Variants in ZNF717 observed in about 807,000 individuals in gnomAD.
The protein encoded by ZNF717 is krueppel-like factor X17.
Under a neutral mutation model 13.8 loss-of-function variants are expected in ZNF717, and 9 were observed. That is an observed-to-expected ratio of 0.65 (90% confidence interval 0.39 to 1.14). The LOEUF is 1.14. Among genes scored for constraint, ZNF717 ranks in the 50% most tolerant of loss-of-function variants. ZNF717 has a pLI of 0.01. For synonymous variants in ZNF717, 327 were observed against 364.1 expected (o/e 0.90, Z 1.16); for missense variants, 1,040 against 1,080.7 (o/e 0.96, Z 0.53).
chr3:75,718,310 T>A (rs1938097941), intron 4 of ZNF717, among the ~76,000 whole-genome samples: 3 of 152,248 alleles, frequency 2.0e-5, no homozygotes, highest in South Asian at 4.2e-4. Flanking sequence ...GATGTGGGGC[T>A]GGAGGAAGAC....
At chr3:75,781,920 G>T (rs1276721021) in intron 2 of ZNF717, among the ~76,000 whole-genome samples, 9 of 152,106 alleles carry the variant, frequency 5.9e-5, no homozygotes, top group African/African-American at 1.7e-4. Context: ...TAACTTTTTT[G>T]TCTGTTTTTT....
At position 75,738,806 on chromosome 3, in the gene ZNF717, G is replaced by A. The variant is rs1320554778; in HGVS notation, c.817C>T (p.His273Tyr). 1.6e-5 allele frequency: 25 copies of A among 1,552,470 alleles called. No individual in the cohort carries two copies. Among genetic ancestry groups the A allele is most frequent in the African/African-American group, 2.7e-5 (2 of 73,120 alleles). ...TCCRKSDFTK[H>Y]QQTHTGEKPY... is the part of the protein sequence containing the mutation. ...TTCTCTCCTGTGTGTGTCTGCTGAT[G>A]TTTAGTGAAGTCAGACTTTCTACAG... The change falls in exon 5 of 5, where the codon CAT (histidine) becomes TAT (tyrosine). Residue 273 changes from histidine (H) to tyrosine (Y), a missense_variant. Around this residue, in one of 3 missense-constraint regions of ZNF717, gnomAD observed 873 missense variants for 832.8 expected, o/e 1.05. Coordinates refer to ENST00000652011, the MANE Select transcript of ZNF717 (RefSeq NM_001290208.3).
intron 2 of ZNF717, among the ~76,000 whole-genome samples, chr3:75,760,162 G>A (rs1372764900): frequency 3.9e-5 from 6 of 152,116 alleles, no homozygotes; most frequent in Non-Finnish European, 8.8e-5. Context: ...CACGGTAGCT[G>A]GGATTACAGG....
chr3:75,783,273 T>C (rs1944941714), intron 2 of ZNF717, 33 bp downstream of exon 2: 1 of 1,515,962 alleles, frequency 6.6e-7, no homozygotes, highest in Non-Finnish European at 9.0e-7. Flanking sequence ...AAATACAGTG[T>C]AAAACAAAGT....
At chr3:75,765,568 G>A (rs1342043862) in intron 2 of ZNF717, among the ~76,000 whole-genome samples, 1 of 152,098 alleles carries the variant, frequency 6.6e-6, no homozygotes, top group Non-Finnish European at 1.5e-5. Context: ...ACACCACGAT[G>A]TCAGGCTAAT....
chr3:75,772,205 C>A (rs1359734358), intron 2 of ZNF717, among the ~76,000 whole-genome samples: 1 of 149,360 alleles, frequency 6.7e-6, no homozygotes, highest in East Asian at 2.0e-4. Context: ...AGGAGCTACC[C>A]CCTGCAGGTC....
At chr3:75,704,051 G>T (rs1937750483) in intron 6 of ZNF717, among the ~76,000 whole-genome samples, 2 of 152,290 alleles carry the variant, frequency 1.3e-5, no homozygotes, top group African/African-American at 4.8e-5. Context: ...TTAGGACAGT[G>T]GGTTAATGGT....
At chr3:75,731,943 A>T (rs1170324576), downstream of ZNF717, 7 of 646,138 alleles carry the variant, frequency 1.1e-5, no homozygotes, top group Non-Finnish European at 1.9e-5. Flanking sequence ...CCAGTGCTGG[A>T]GTAGAAAATC....
chr3:75,779,100 C>T (rs1296753392), intron 2 of ZNF717, among the ~76,000 whole-genome samples: 3 of 151,736 alleles, frequency 2.0e-5, no homozygotes, highest in African/African-American at 2.4e-5. Flanking sequence ...ACTAGGAACC[C>T]AAAACAATGG....
chr3:75,779,575 G>A (rs930314818), intron 2 of ZNF717, among the ~76,000 whole-genome samples: 9 of 143,612 alleles, frequency 6.3e-5, no homozygotes, highest in Admixed American at 2.8e-4. Flanking sequence ...CGGGAGTGAC[G>A]TGCTAAAACC....
At chr3:75,740,378 C>T (rs34925915) in intron 4 of ZNF717, among the ~76,000 whole-genome samples, 58,418 of 141,540 alleles carry the variant, frequency 0.41, 9,576 homozygotes, top group Admixed American at 0.45. Flanking sequence ...CCTATCCAGG[C>T]CCCTATGATG....
At chr3:75,697,772 G>A (rs1937619986) in intron 6 of ZNF717, among the ~76,000 whole-genome samples, 1 of 152,310 alleles carries the variant, frequency 6.6e-6, no homozygotes, top group Non-Finnish European at 1.5e-5. Context: ...TGTGGAATCA[G>A]CTTTGTAATT....
intron 6 of ZNF717, among the ~76,000 whole-genome samples, chr3:75,701,493 A>AC (rs1277752704): frequency 6.6e-6 from 1 of 152,292 alleles, no homozygotes; most frequent in African/African-American, 2.4e-5. Flanking sequence ...AGATGGTGAA[A>AC]CCCCGTCTCT....
downstream of ZNF717, among the ~76,000 whole-genome samples, chr3:75,731,071 T>A (rs2106906985): frequency 6.6e-6 from 1 of 152,054 alleles, no homozygotes; most frequent in East Asian, 1.9e-4. Context: ...CAAAACCCTG[T>A]CTCTACTAAA....
chr3:75,749,391 C>G (rs1941482048), intron 2 of ZNF717, among the ~76,000 whole-genome samples: 1 of 151,852 alleles, frequency 6.6e-6, no homozygotes, highest in Non-Finnish European at 1.5e-5. Context: ...CAACGAGGGT[C>G]TGAATGTTTG....
rs143175998 is a variant in ZNF717, at chr3:75,770,914, C to T, written c.57+12392G>A. On this transcript the variant is annotated intron_variant, in intron 2 of 4. Coordinates refer to ENST00000652011, the MANE Select transcript of ZNF717 (RefSeq NM_001290208.3). ...GCGGGATGAACAGGGACCAACAGAA[C>T]ATTTGGATAAGCTGTTGAGAAGAAA... Among the ~76,000 whole-genome samples the T allele has an allele frequency of 9.6e-3, 1,467 of 152,216 alleles. 27 individuals are homozygous for T. The highest frequency in any genetic ancestry group is 0.034 in the African/African-American group (1,421 of 41,528).
intron 2 of ZNF717, among the ~76,000 whole-genome samples, chr3:75,767,184 G>C (rs74631557): frequency 6.6e-6 from 1 of 151,732 alleles, no homozygotes; most frequent in Non-Finnish European, 1.5e-5. Context: ...GAAACCATAC[G>C]GCCAGTCCAC....
chr3:75,722,705 T>G (rs1463115190), intron 4 of ZNF717, among the ~76,000 whole-genome samples: 291 of 146,746 alleles, frequency 2.0e-3, no homozygotes, highest in African/African-American at 6.9e-3. Flanking sequence ...TCCCAGCTAT[T>G]TGGGAGGCGG....
intron 6 of ZNF717, among the ~76,000 whole-genome samples, chr3:75,696,892 C>CAAAAAAAAAAAAAAAAA (rs142213799): frequency 1.6e-5 from 1 of 61,462 alleles, no homozygotes; most frequent in Non-Finnish European, 3.4e-5. Flanking sequence ...GACTTCATCT[C>CAAAAAAAAAAAAAAAAA]AAAAAAAAAA....
Sources: gnomAD v4.1 joint callset for allele counts (sites outside exome capture counted in the v4.1 genomes callset) on GRCh38, gnomAD v4.1.1 for gene constraint, gnomAD v4.1.1 regional missense constraint, MANE v1.5 for transcripts, NCBI Gene and HGNC (gene_info 2026-07-23, HGNC 2026-07-21) for gene names.